Variants in RBM26 observed in about 807,000 individuals in gnomAD.
RBM26 encodes RNA binding motif protein 26.
In RBM26, 30 loss-of-function variants were observed where a neutral mutation model predicts 123.6. The ratio of observed to expected loss-of-function variants is 0.24; its 90% CI spans 0.18 to 0.33. RBM26 has a LOEUF of 0.33. RBM26 is among the 10% of genes least tolerant of loss of function. The pLI is 1.00. For missense variants in RBM26, 947 were observed against 1,203.6 expected (o/e 0.79, Z 3.15); for synonymous variants, 400 against 404.4 (o/e 0.99, Z 0.13).
intron 18 of RBM26, among the ~76,000 whole-genome samples, chr13:79,338,963 G>T (rs1278895021): frequency 6.6e-6 from 1 of 152,144 alleles, no homozygotes; most frequent in East Asian, 1.9e-4. Context: ...TGGGGTGTAG[G>T]AGCAAGATAA....
At chr13:79,315,907 C>CTCT, downstream of RBM26, among the ~76,000 whole-genome samples, 1 of 151,800 alleles carries the variant, frequency 6.6e-6, no homozygotes, top group East Asian at 1.9e-4. Context: ...TTAAAAACTG[C>CTCT]TCTTCCCTAA....
At chr13:79,324,433 T>G (rs1000757934) in intron 20 of RBM26, among the ~76,000 whole-genome samples, 1 of 151,944 alleles carries the variant, frequency 6.6e-6, no homozygotes, top group South Asian at 2.1e-4. Flanking sequence ...TTGTGTGACT[T>G]TCTATTAGAA....
At chr13:79,334,555 G>C (rs1368722416) in intron 19 of RBM26, 125 bp from the exon 20 acceptor site, 5 of 491,558 alleles carry the variant, frequency 1.0e-5, no homozygotes, top group Non-Finnish European at 1.8e-5. Context: ...ATTCATAATG[G>C]TTAACAGAAA....
intron 1 of RBM26, among the ~76,000 whole-genome samples, chr13:79,388,294 C>CA (rs2077656212): frequency 6.6e-6 from 1 of 152,216 alleles, no homozygotes; most frequent in African/African-American, 2.4e-5. Context: ...TGGGGTTTCA[C>CA]CATGGTGGCC....
chr13:79,347,702 T>C (rs951795951), intron 14 of RBM26, among the ~76,000 whole-genome samples: 1 of 152,170 alleles, frequency 6.6e-6, no homozygotes, highest in African/African-American at 2.4e-5. Context: ...ATTTTCTATA[T>C]CTACAACCAT....
Position 79,337,083 on chromosome 13 carries a change from T to A in RBM26, c.2733+19A>T, listed in dbSNP as rs751843485. On this transcript the variant is annotated intron_variant, in intron 19 of 21. Coordinates refer to ENST00000438737, the MANE Select transcript of RBM26 (RefSeq NM_001366735.2). ...ATGATGATTATCAGCATTTGTTTTG[T>A]TGAGCAGTAAGAAAGTACCGCAAAA... 1 of 1,606,210 alleles carries A rather than the reference T, an allele frequency of 6.2e-7. No homozygotes were observed. Among genetic ancestry groups the A allele is most frequent in the Non-Finnish European group, 8.5e-7 (1 of 1,173,724 alleles).
intron 2 of RBM26, among the ~76,000 whole-genome samples, chr13:79,378,584 C>A (rs1566533418): frequency 6.6e-6 from 1 of 152,206 alleles, no homozygotes; most frequent in South Asian, 2.1e-4. Flanking sequence ...GGATTACAGG[C>A]ACCCACCATC....
At chr13:79,392,251 CATA>C (rs1232682223) in intron 1 of RBM26, among the ~76,000 whole-genome samples, 2 of 122,732 alleles carry the variant, frequency 1.6e-5, no homozygotes, top group African/African-American at 6.1e-5. Context: ...TACAATAATA[CATA>C]ATTATTATAT....
intron 3 of RBM26, among the ~76,000 whole-genome samples, chr13:79,375,479 ATT>A (rs1163676232): frequency 1.3e-5 from 2 of 151,924 alleles, no homozygotes; most frequent in African/African-American, 4.8e-5. Context: ...CCAAAGTATA[ATT>A]TTTCACAGCA....
intron 8 of RBM26, 43 bp downstream of exon 8, chr13:79,366,012 A>C (rs1339573787): frequency 2.7e-6 from 4 of 1,469,794 alleles, no homozygotes; most frequent in Admixed American, 1.8e-5. Context: ...TCTTCATCTA[A>C]AACTGTGTTA....
Position 79,400,146 on chromosome 13 carries a change from T to C in RBM26, c.71+5558A>G, listed in dbSNP as rs541360940. ...ATCAGACTTTAAAGGATCTACAATA[T>C]ACACTCCAAAAAAAGTTTTTAAGAA... On this transcript the variant is annotated intron_variant, in intron 1 of 21. Transcript: ENST00000438737. 2.0e-5 allele frequency among the ~76,000 whole-genome samples: 3 copies of C among 152,282 alleles called. No homozygotes were observed. In the South Asian group the frequency reaches 6.2e-4, roughly 32 times the overall value.
intron 10 of RBM26, 51 bp from the exon 11 acceptor site, chr13:79,358,484 C>T (rs775626114): frequency 7.3e-7 from 1 of 1,378,980 alleles, no homozygotes; most frequent in Admixed American, 2.2e-5. Flanking sequence ...CTGACCCTAA[C>T]CAAATACAAG....
chr13:79,320,070 A>G lies in RBM26; in HGVS notation c.*551T>C. Reference sequence around the variant, plus strand: ...ATAAGGACTCATGTAAAGCAGTCATACACCATTATCATTAAAACCCATATG... The same window carrying G: ...ATAAGGACTCATGTAAAGCAGTCATGCACCATTATCATTAAAACCCATATG... On this transcript the variant is annotated 3_prime_UTR_variant, in exon 22 of 22. Transcript: ENST00000438737. The G allele has an allele frequency of 1.0e-6, 1 of 977,522 alleles. No homozygotes were observed. Among genetic ancestry groups the G allele is most frequent in the South Asian group, 4.7e-5 (1 of 21,114 alleles). The allele number at this position is 977,522 out of a possible 1,614,324, so 60.6% of individuals were successfully genotyped here. A position where few individuals can be genotyped will look rare whatever the true frequency, so the allele number is the denominator to read the frequency against.
chr13:79,377,345 A>G (rs1254119224), intron 3 of RBM26, 34 bp downstream of exon 3: 1 of 1,586,894 alleles, frequency 6.3e-7, no homozygotes, highest in South Asian at 1.1e-5. Flanking sequence ...TTATGTGTTT[A>G]AATAACCTGT....
intron 20 of RBM26, among the ~76,000 whole-genome samples, chr13:79,322,802 GT>G (rs1400445719): frequency 6.6e-6 from 1 of 151,408 alleles, no homozygotes; most frequent in South Asian, 2.1e-4. Context: ...GACAACTGCT[GT>G]TTAAGATGAC....
intron 1 of RBM26, among the ~76,000 whole-genome samples, chr13:79,382,904 T>C (rs938074598): frequency 2.2e-5 from 1 of 46,286 alleles, no homozygotes; most frequent in African/African-American, 7.7e-5. Context: ...CATTATTAGA[T>C]GGTTTTCTAG....
At chr13:79,378,601 G>A (rs1252414858) in intron 2 of RBM26, among the ~76,000 whole-genome samples, 188 bp downstream of exon 2, 3 of 151,930 alleles carry the variant, frequency 2.0e-5, no homozygotes, top group South Asian at 2.1e-4. Flanking sequence ...CATCATGCCC[G>A]GCTAATTTTT....
intron 3 of RBM26, among the ~76,000 whole-genome samples, chr13:79,373,438 T>TG (rs2076267334): frequency 1.8e-5 from 1 of 54,756 alleles, no homozygotes; most frequent in African/African-American, 8.3e-5. Context: ...TAAATATATA[T>TG]TATATATTAT....
At chr13:79,363,819 C>A (rs1483033073) in intron 9 of RBM26, among the ~76,000 whole-genome samples, 1 of 152,094 alleles carries the variant, frequency 6.6e-6, no homozygotes, top group East Asian at 1.9e-4. Context: ...CCTGTAGTAG[C>A]ATGTATTTAC....
Sources: allele counts gnomAD v4.1 joint callset (sites outside exome capture counted in the v4.1 genomes callset), GRCh38; gene constraint gnomAD v4.1.1; transcripts MANE v1.5; gene names NCBI Gene and HGNC (gene_info 2026-07-23, HGNC 2026-07-21).